Variants in KHDRBS2 observed in about 807,000 individuals in gnomAD.
KHDRBS2 encodes KH domain-containing, RNA-binding, signal transduction-associated protein 2.
Under a neutral mutation model 44.3 loss-of-function variants are expected in KHDRBS2, and 26 were observed. The ratio of observed to expected loss-of-function variants is 0.59; its 90% CI spans 0.43 to 0.81. The LOEUF is 0.81. Among genes scored for constraint, KHDRBS2 ranks in the 40% least tolerant of loss-of-function variants. The pLI is 0.00. For missense variants in KHDRBS2, 476 were observed against 433.1 expected, an observed-to-expected ratio of 1.10 and a Z score of -0.88; for synonymous variants, 194 against 151.1, an observed-to-expected ratio of 1.28 and a Z score of -2.08.
At chr6:61,606,651 C>A in the KHDRBS2 span, among the ~76,000 whole-genome samples, 3 of 152,082 alleles carry the variant, frequency 2.0e-5, no homozygotes, top group African/African-American at 7.2e-5. Flanking sequence ...AAAGGTATGG[C>A]TAGCAAAGTA....
chr6:62,061,252 C>T (rs1175508912), intron 2 of KHDRBS2, among the ~76,000 whole-genome samples: 1 of 151,478 alleles, frequency 6.6e-6, no homozygotes, highest in African/African-American at 2.4e-5. Context: ...TTAGTTGATG[C>T]AGTTTCTTCC....
chr6:61,910,432 A>G (rs1344180682), intron 4 of KHDRBS2, among the ~76,000 whole-genome samples: 6 of 152,212 alleles, frequency 3.9e-5, no homozygotes, highest in Non-Finnish European at 8.8e-5. Flanking sequence ...GATATCACAA[A>G]GTCAAAATGT....
chr6:62,165,209 G>C (rs1472643349), intron 2 of KHDRBS2, among the ~76,000 whole-genome samples: 1 of 151,068 alleles, frequency 6.6e-6, no homozygotes, highest in Non-Finnish European at 1.5e-5. Context: ...TAAACTTTAT[G>C]AAATAAAATT....
At chr6:61,773,586 T>C (rs1781386013) in intron 6 of KHDRBS2, among the ~76,000 whole-genome samples, 1 of 148,890 alleles carries the variant, frequency 6.7e-6, no homozygotes, top group Admixed American at 6.7e-5. Context: ...TCTCCCATTT[T>C]GTAGGTTGCC....
At chr6:61,744,978 T>G (rs1776661567) in intron 6 of KHDRBS2, among the ~76,000 whole-genome samples, 1 of 152,144 alleles carries the variant, frequency 6.6e-6, no homozygotes, top group African/African-American at 2.4e-5. Flanking sequence ...ATTTCAATAG[T>G]TTTACAAGTT....
intron 6 of KHDRBS2, among the ~76,000 whole-genome samples, chr6:61,756,104 A>G (rs1778442925): frequency 2.6e-5 from 4 of 151,730 alleles, no homozygotes; most frequent in Non-Finnish European, 4.4e-5. Context: ...TGGCAGGGAA[A>G]GTTTATGCAG....
At chr6:61,668,855 G>A in the KHDRBS2 span, among the ~76,000 whole-genome samples, 1 of 150,886 alleles carries the variant, frequency 6.6e-6, no homozygotes, top group African/African-American at 2.4e-5. Flanking sequence ...TTGGAAAAGA[G>A]ATAAATGGAA....
chr6:62,284,774 T>C (rs1418778728), intron 1 of KHDRBS2, among the ~76,000 whole-genome samples: 1 of 152,182 alleles, frequency 6.6e-6, no homozygotes, highest in Non-Finnish European at 1.5e-5. Context: ...AAAATATAGC[T>C]AATGCCTATT....
Position 62,101,583 on chromosome 6 carries a change from T to G in KHDRBS2, c.220-53589A>C, listed in dbSNP as rs189073736. 9.5e-4 allele frequency among the ~76,000 whole-genome samples: 145 copies of G among 152,230 alleles called. 1 individual carries two copies. Among genetic ancestry groups the G allele is most frequent in the Non-Finnish European group, 1.6e-3 (110 of 68,008 alleles). On this transcript the variant is annotated intron_variant, in intron 2 of 8. Transcript: ENST00000281156. Reference sequence around the variant, plus strand: ...AAGAGTGTCAGCCAGGGAAGAATAGTAGGATTCTGGATATGTACTCTAGGT... The same window carrying G: ...AAGAGTGTCAGCCAGGGAAGAATAGGAGGATTCTGGATATGTACTCTAGGT...
intron 1 of KHDRBS2, among the ~76,000 whole-genome samples, chr6:62,203,523 TG>T (rs1421827429): frequency 2.0e-5 from 3 of 152,082 alleles, no homozygotes; most frequent in African/African-American, 7.2e-5. Context: ...ACAGGAGCAC[TG>T]TGAAAGAATG....
chr6:62,254,065 G>A (rs1836981960), intron 1 of KHDRBS2, among the ~76,000 whole-genome samples: 1 of 151,894 alleles, frequency 6.6e-6, no homozygotes, highest in African/African-American at 2.4e-5. Flanking sequence ...GGGAAGTAAA[G>A]GTGCAACAAG....
intron 7 of KHDRBS2, among the ~76,000 whole-genome samples, chr6:61,701,135 C>A (rs1768590480): frequency 6.6e-6 from 1 of 151,848 alleles, no homozygotes; most frequent in African/African-American, 2.4e-5. Context: ...GGAAAGCAGG[C>A]TATGGGCCTG....
intron 1 of KHDRBS2, among the ~76,000 whole-genome samples, chr6:62,265,509 T>A (rs912900616): frequency 6.6e-6 from 1 of 151,962 alleles, no homozygotes; most frequent in Admixed American, 6.6e-5. Context: ...CACATAAAGA[T>A]GAATTTAAAA....
chr6:62,110,251 T>A (rs1584767054), intron 2 of KHDRBS2, among the ~76,000 whole-genome samples: 1 of 152,174 alleles, frequency 6.6e-6, no homozygotes, highest in East Asian at 1.9e-4. Context: ...TACAACTACT[T>A]TGGAAAACAA....
At chr6:61,642,495 T>TAAAA in the KHDRBS2 span, among the ~76,000 whole-genome samples, 11 of 133,998 alleles carry the variant, frequency 8.2e-5, no homozygotes, top group Admixed American at 3.0e-4. Context: ...GTTTCTATAT[T>TAAAA]AAAAAAAAAA....
At chr6:62,100,385 T>C (rs1454267422) in intron 2 of KHDRBS2, among the ~76,000 whole-genome samples, 1 of 152,222 alleles carries the variant, frequency 6.6e-6, no homozygotes, top group African/African-American at 2.4e-5. Flanking sequence ...TAATATTACA[T>C]AAATTTAGTT....
chr6:61,600,333 G>A, the KHDRBS2 span, among the ~76,000 whole-genome samples: 1 of 152,098 alleles, frequency 6.6e-6, no homozygotes, highest in Non-Finnish European at 1.5e-5. Context: ...CACAAAAGAA[G>A]TGAAAATGGC....
At position 62,078,088 on chromosome 6, in the gene KHDRBS2, A is replaced by G. The variant is rs1198530593; in HGVS notation, c.220-30094T>C. Among the ~76,000 whole-genome samples, 7 of 152,164 alleles carry G rather than the reference A, an allele frequency of 4.6e-5. No individual in the cohort carries two copies. The East Asian group carries it at 1.2e-3, about 25-fold the overall frequency. On this transcript the variant is annotated intron_variant, in intron 2 of 8. Coordinates refer to ENST00000281156, the MANE Select transcript of KHDRBS2 (RefSeq NM_152688.4). ...TTAATAAATGTTGCTGGCTAAGAGTATCTGCATAACACCTTGCTTGTAAAA... is the reference window on the plus strand; with the variant it reads ...TTAATAAATGTTGCTGGCTAAGAGTGTCTGCATAACACCTTGCTTGTAAAA...
intron 6 of KHDRBS2, among the ~76,000 whole-genome samples, chr6:61,892,106 AACAG>A (rs1318987614): frequency 6.6e-6 from 1 of 152,214 alleles, no homozygotes; most frequent in Non-Finnish European, 1.5e-5. Context: ...ATACACCAAT[AACAG>A]ACAAACAGAG....
Sources: gnomAD v4.1 joint callset for allele counts (sites outside exome capture counted in the v4.1 genomes callset) on GRCh38, gnomAD v4.1.1 for gene constraint, MANE v1.5 for transcripts, NCBI Gene and HGNC (gene_info 2026-07-23, HGNC 2026-07-21) for gene names.